Variants in PTPRZ1 observed in about 807,000 individuals in gnomAD.
The protein encoded by PTPRZ1 is protein tyrosine phosphatase receptor type Z1.
A neutral mutation model predicts 214.1 loss-of-function variants in PTPRZ1; 82 were observed. That is an observed-to-expected ratio of 0.38 (90% confidence interval 0.32 to 0.46). The LOEUF (loss-of-function observed/expected upper bound fraction) is 0.46, where lower values mean the gene tolerates loss of function less well. PTPRZ1 is among the 20% of genes least tolerant of loss of function. The pLI is 1.00. For missense variants in PTPRZ1, 2,603 were observed against 2,748.7 expected (o/e 0.95, Z 1.19); for synonymous variants, 945 against 987.9 (o/e 0.96, Z 0.81).
intron 2 of PTPRZ1, among the ~76,000 whole-genome samples, chr7:121,956,525 GA>G (rs1335471375): frequency 1.3e-5 from 2 of 152,176 alleles, no homozygotes; most frequent in African/African-American, 4.8e-5. Context: ...CTGACTTTCA[GA>G]AATGAAATGA....
At chr7:121,945,218 G>C (rs1677138121) in intron 2 of PTPRZ1, among the ~76,000 whole-genome samples, 1 of 152,172 alleles carries the variant, frequency 6.6e-6, no homozygotes, top group Admixed American at 6.5e-5. Context: ...CCCAGATGGA[G>C]CTTGAATTCT....
intron 1 of PTPRZ1, among the ~76,000 whole-genome samples, chr7:121,874,857 A>G (rs1794003703): frequency 6.6e-6 from 1 of 152,226 alleles, no homozygotes; most frequent in South Asian, 2.1e-4. Flanking sequence ...AGCTTTAAAA[A>G]GTACGTGGTC....
chr7:122,038,590 G>A (rs1350445976), intron 18 of PTPRZ1, among the ~76,000 whole-genome samples, 165 bp from the exon 19 acceptor site: 1 of 144,782 alleles, frequency 6.9e-6, no homozygotes, highest in Non-Finnish European at 1.5e-5. Context: ...CTAACCAAGA[G>A]TAGCTATCTT....
At chr7:122,052,020 C>T in intron 25 of PTPRZ1, 81 bp downstream of exon 25, 1 of 1,127,784 alleles carries the variant, frequency 8.9e-7, no homozygotes, top group Non-Finnish European at 1.3e-6. Flanking sequence ...GAAGCAAAGA[C>T]TACAGGCATG....
chr7:122,035,477 T>C (rs1455142571), intron 17 of PTPRZ1, among the ~76,000 whole-genome samples: 1 of 152,242 alleles, frequency 6.6e-6, no homozygotes, highest in Non-Finnish European at 1.5e-5. Context: ...TAACATTTGA[T>C]GAACACCTAC....
Position 122,042,697 on chromosome 7 carries a change from T to G in PTPRZ1, c.5891T>G (p.Phe1964Cys), listed in dbSNP as rs780825815. The G allele has an allele frequency of 4.3e-6, 7 of 1,613,400 alleles. No homozygotes were observed. In the South Asian group the frequency reaches 4.4e-5, roughly 10 times the overall value. Residue 1964 changes from phenylalanine (F) to cysteine (C), a missense_variant, in exon 22 of 30, where the codon TTC (phenylalanine) becomes TGC (cysteine). By Grantham distance (205) the Phe-to-Cys change is radical. Transcript: ENST00000393386. Reference protein sequence around the residue: ...QHEGTVNIFGFLKHIRSQRNY... With the variant: ...QHEGTVNIFGCLKHIRSQRNY... Reference sequence around the variant, plus strand: ...GAAGGAACTGTCAACATATTTGGCTTCTTAAAACACATCCGTTCACAAAGA... The same window carrying G: ...GAAGGAACTGTCAACATATTTGGCTGCTTAAAACACATCCGTTCACAAAGA...
In PTPRZ1 at chr7:122,059,808, C is replaced by T; in HGVS notation, c.6727C>T (p.Leu2243=). The change falls in exon 29 of 30, where the codon CTA becomes TTA. Residue 2243 remains leucine (L), a synonymous_variant. Transcript: ENST00000393386. ...FCALTTLMHQ[L]EKENSVDVYQ... The stretch of plus-strand genomic sequence containing the variant: ...TGCTCTGACAACCCTTATGCACCAA[C>T]TAGAAAAAGAAAATTCCGTGGATGT... The T allele has an allele frequency of 6.2e-7, 1 of 1,613,224 alleles. No individual in the cohort carries two copies.
Position 122,039,538 on chromosome 7 carries a change from G to A in PTPRZ1, c.5587G>A (p.Ala1863Thr). ...LVTQKSVQVL[A>T]YYTVRNFTLR... Reference sequence around the variant, plus strand: ...CACTCAGAAGAGTGTGCAAGTGCTTGCCTATTATACTGTGAGGAATTTTAC... The same window carrying A: ...CACTCAGAAGAGTGTGCAAGTGCTTACCTATTATACTGTGAGGAATTTTAC... The change falls in exon 20 of 30, where the codon GCC becomes ACC. Residue 1863 changes from alanine (A) to threonine (T), a missense_variant. By Grantham distance (58) the Ala-to-Thr change is moderately conservative. Around this residue, in one of 6 missense-constraint regions of PTPRZ1, gnomAD observed 1,913 missense variants for 1,914.3 expected, o/e 1.00. Transcript: ENST00000393386. 6.2e-7 allele frequency: 1 copy of A among 1,614,022 alleles called. No individual in the cohort carries two copies. The highest frequency in any genetic ancestry group is 8.5e-7 in the Non-Finnish European group (1 of 1,179,960).
intron 27 of PTPRZ1, among the ~76,000 whole-genome samples, chr7:122,056,067 C>T (rs1397385870): frequency 6.6e-6 from 1 of 151,794 alleles, no homozygotes; most frequent in Non-Finnish European, 1.5e-5. Flanking sequence ...CTCGTAAGGT[C>T]CCTGAGAGCT....
At chr7:121,877,656 A>G (rs1794102139) in intron 1 of PTPRZ1, among the ~76,000 whole-genome samples, 1 of 152,210 alleles carries the variant, frequency 6.6e-6, no homozygotes, top group Non-Finnish European at 1.5e-5. Context: ...CTATGCATCA[A>G]CATACAGAGA....
rs1348563325 is a variant in PTPRZ1, at chr7:122,041,367, A to G, written c.5801+388A>G. ...CTAGGAGTTAAAATTCTGTTTTAGA[A>G]TTATTATGCCAGGCTTGTATCACAG... On this transcript the variant is annotated intron_variant, in intron 21 of 29. Coordinates refer to ENST00000393386, the MANE Select transcript of PTPRZ1 (RefSeq NM_002851.3). Among the ~76,000 whole-genome samples the G allele has an allele frequency of 2.6e-5, 4 of 152,130 alleles. 1 individual carries two copies. Among genetic ancestry groups the G allele is most frequent in the Non-Finnish European group, 5.9e-5 (4 of 68,014 alleles).
In PTPRZ1 at chr7:122,058,860, C is replaced by A. The variant is rs776294160; in HGVS notation, c.6589C>A (p.Pro2197Thr). ...QCPKWPNPDS[P>T]ISKTFELISV... ...TCCTAAATGGCCAAATCCAGATAGC[C>A]CCATTAGTAAAACTTTTGAACTTAT... The change falls in exon 28 of 30, where the codon CCC becomes ACC. Residue 2197 changes from proline (P) to threonine (T), a missense_variant. By Grantham distance (38) the Pro-to-Thr change is conservative. This residue lies in a region of PTPRZ1 where 165 missense variants were observed against 151.4 expected (regional missense o/e 1.09). Coordinates refer to ENST00000393386, the MANE Select transcript of PTPRZ1 (RefSeq NM_002851.3). 12 of 1,596,528 alleles carry A rather than the reference C, an allele frequency of 7.5e-6. No individual in the cohort carries two copies. Among genetic ancestry groups the A allele is most frequent in the Non-Finnish European group, 1.0e-5 (12 of 1,164,440 alleles).
chr7:121,994,289 CTTTTTTT>C (rs35332072), intron 8 of PTPRZ1, among the ~76,000 whole-genome samples: 2 of 75,346 alleles, frequency 2.7e-5, no homozygotes, highest in Admixed American at 2.4e-4. Context: ...TAATGCATTT[CTTTTTTT>C]TTTTTTTTTT....
rs372786309 is a variant in PTPRZ1, at chr7:122,042,672, G to A, written c.5866G>A (p.Glu1956Lys). 9.9e-6 allele frequency: 16 copies of A among 1,613,552 alleles called. No individual in the cohort carries two copies. In the Admixed American group the frequency reaches 1.5e-4, roughly 15 times the overall value. ...LDSMLQQIQHEGTVNIFGFLK... is the reference protein window; with the variant it reads ...LDSMLQQIQHKGTVNIFGFLK... ...CAGTATGTTGCAGCAGATTCAACAC[G>A]AAGGAACTGTCAACATATTTGGCTT... The change falls in exon 22 of 30, where the codon GAA (glutamate) becomes AAA (lysine). Residue 1956 changes from glutamate (E) to lysine (K), a missense_variant. Around this residue, in one of 6 missense-constraint regions of PTPRZ1, gnomAD observed 1,913 missense variants for 1,914.3 expected, o/e 1.00. Transcript: ENST00000393386.
chr7:122,040,830 A>G lies in PTPRZ1; in HGVS notation c.5652A>G (p.Gly1884=). ...AACTTTTCCAGGGCTCCCAGAAAGG[A>G]AGACCCAGTGGACGTGTGGTCACAC... ...NTKIKKGSQK[G]RPSGRVVTQY... The change falls in exon 21 of 30, where the codon GGA becomes GGG. Residue 1884 remains glycine, a synonymous_variant. Transcript: ENST00000393386. The G allele has an allele frequency of 6.4e-7, 1 of 1,561,898 alleles. No homozygotes were observed. Among genetic ancestry groups the G allele is most frequent in the Non-Finnish European group, 8.7e-7 (1 of 1,149,022 alleles).
chr7:121,983,903 C>A, intron 7 of PTPRZ1, 64 bp from the exon 8 acceptor site: 1 of 1,579,964 alleles, frequency 6.3e-7, no homozygotes, highest in Non-Finnish European at 8.6e-7. Flanking sequence ...ATAAAATATC[C>A]ATTTTAAAGC....
chr7:121,967,855 G>T (rs1242670708), intron 2 of PTPRZ1, 96 bp from the exon 3 acceptor site: 1 of 816,622 alleles, frequency 1.2e-6, no homozygotes, highest in Non-Finnish European at 1.9e-6. Context: ...TTCTACTATT[G>T]CATCTATTTT....
At chr7:121,878,858 G>A (rs540287530) in intron 1 of PTPRZ1, among the ~76,000 whole-genome samples, 2 of 151,888 alleles carry the variant, frequency 1.3e-5, no homozygotes, top group South Asian at 4.2e-4. Flanking sequence ...AATGTATAAG[G>A]TTATAGAAAG....
chr7:122,039,539 C>T lies in PTPRZ1; in HGVS notation c.5588C>T (p.Ala1863Val). The change falls in exon 20 of 30, where the codon GCC becomes GTC. Residue 1863 changes from alanine to valine, a missense_variant. Physicochemically the swap from Ala to Val is moderately conservative, Grantham distance 64 (BLOSUM62 0). This residue lies in a region of PTPRZ1 where 1,913 missense variants were observed against 1,914.3 expected (regional missense o/e 1.00). Transcript: ENST00000393386. Reference sequence around the variant, plus strand: ...ACTCAGAAGAGTGTGCAAGTGCTTGCCTATTATACTGTGAGGAATTTTACT... The same window carrying T: ...ACTCAGAAGAGTGTGCAAGTGCTTGTCTATTATACTGTGAGGAATTTTACT... ...LVTQKSVQVL[A>V]YYTVRNFTLR... 1 of 1,613,824 alleles carries T rather than the reference C, an allele frequency of 6.2e-7. No homozygotes were observed. The highest frequency in any genetic ancestry group is 2.2e-5 in the East Asian group (1 of 44,862).
Sources: gnomAD v4.1 joint callset for allele counts (sites outside exome capture counted in the v4.1 genomes callset) on GRCh38, gnomAD v4.1.1 for gene constraint, gnomAD v4.1.1 regional missense constraint, MANE v1.5 for transcripts, NCBI Gene and HGNC (gene_info 2026-07-23, HGNC 2026-07-21) for gene names.